Variants in UTRN observed in about 807,000 individuals in gnomAD.
The protein encoded by UTRN is utrophin, also known as dystrophin-related protein 1.
UTRN carries 283 observed loss-of-function variants against 463.9 expected under a neutral mutation model. The observed-to-expected ratio is 0.61, with a 90% CI of 0.55 to 0.67. The LOEUF is 0.67. UTRN is among the 30% of genes least tolerant of loss of function. The pLI is 0.00. For missense variants in UTRN, 3,922 were observed against 4,084.3 expected, an observed-to-expected ratio of 0.96 and a Z score of 1.08; for synonymous variants, 1,442 against 1,431.5, an observed-to-expected ratio of 1.01 and a Z score of -0.17.
chr6:144,694,252 G>A (rs1783741770), intron 52 of UTRN, among the ~76,000 whole-genome samples: 1 of 151,864 alleles, frequency 6.6e-6, no homozygotes, highest in Admixed American at 6.6e-5. Flanking sequence ...TGATTGTGGT[G>A]GATTAGCTTT....
At position 144,590,685 on chromosome 6, in the gene UTRN, T is replaced by G. The variant is rs76365533; in HGVS notation, c.7479+13397T>G. Reference sequence around the variant, plus strand: ...TACAAATATGTTGTTCTGAGGAATTTTAGTCGTTCACACGAGTCTAGCGTG... The same window carrying G: ...TACAAATATGTTGTTCTGAGGAATTGTAGTCGTTCACACGAGTCTAGCGTG... On this transcript the variant is annotated intron_variant, in intron 51 of 74. Transcript: ENST00000367545. Among the ~76,000 whole-genome samples the G allele has an allele frequency of 6.0e-3, 911 of 152,332 alleles. 13 individuals are homozygous for G. Among genetic ancestry groups the G allele is most frequent in the African/African-American group, 0.021 (869 of 41,570 alleles).
At position 144,824,610 on chromosome 6, in the gene UTRN, A is replaced by T. The variant is rs374876617; in HGVS notation, c.9495-2738A>T. Among the ~76,000 whole-genome samples, 257 of 43,528 alleles carry T rather than the reference A, an allele frequency of 5.9e-3. 16 individuals carry two copies. The highest frequency in any genetic ancestry group is 0.03 in the East Asian group (26 of 860). 28.6% of individuals were successfully genotyped at this position (43,528 alleles called of 152,430 possible). ...TATATATATATATATATATATATATATATCTTTTTTTTTTTTTTTTTTTTT... is the reference window on the plus strand; with the variant it reads ...TATATATATATATATATATATATATTTATCTTTTTTTTTTTTTTTTTTTTT... On this transcript the variant is annotated intron_variant, in intron 66 of 74. Transcript: ENST00000367545.
intron 3 of UTRN, among the ~76,000 whole-genome samples, chr6:144,411,514 G>A (rs187522112): frequency 4.3e-4 from 66 of 152,160 alleles, no homozygotes; most frequent in Admixed American, 7.2e-4. Context: ...CCCCACAGTG[G>A]TTTCTTATCA....
At position 144,403,105 on chromosome 6, in the gene UTRN, T is replaced by C; in HGVS notation, c.80-18T>C. On this transcript the variant is annotated intron_variant, in intron 2 of 74. Transcript: ENST00000367545. ...GACTCTCATACTTTTTCCTTCTCTTTCTTTTTCCATTCCACAGATGAACAC... is the reference window on the plus strand; with the variant it reads ...GACTCTCATACTTTTTCCTTCTCTTCCTTTTTCCATTCCACAGATGAACAC... 1 of 1,611,064 alleles carries C rather than the reference T, an allele frequency of 6.2e-7. No individual in the cohort carries two copies. The highest frequency in any genetic ancestry group is 1.3e-5 in the African/African-American group (1 of 74,964).
In UTRN at chr6:144,839,278, C is replaced by G. The variant is rs1190114214; in HGVS notation, c.10171C>G (p.Gln3391Glu). The G allele has an allele frequency of 1.2e-6, 2 of 1,613,378 alleles. No individual in the cohort carries two copies. Among genetic ancestry groups the G allele is most frequent in the South Asian group, 1.1e-5 (1 of 91,052 alleles). ...DPDASGPQFH[Q>E]AAGEDLLAPP... The stretch of plus-strand genomic sequence containing the variant: ...AGATGCCTCCGGCCCACAGTTCCAC[C>G]AGGCAGGTCGGTGTCCCCAGCACAC... The change falls in exon 72 of 75, where the codon CAG becomes GAG. Residue 3391 changes from glutamine to glutamate, a missense_variant. Coordinates refer to ENST00000367545, the MANE Select transcript of UTRN (RefSeq NM_007124.3).
chr6:144,548,616 C>G (rs1798626481), intron 46 of UTRN, 24 bp from the exon 47 acceptor site: 1 of 1,602,538 alleles, frequency 6.2e-7, no homozygotes, highest in Non-Finnish European at 8.5e-7. Flanking sequence ...ATTAATTTCT[C>G]TTTTGCTACA....
At chr6:144,390,276 C>A (rs980325699) in intron 2 of UTRN, among the ~76,000 whole-genome samples, 4 of 152,182 alleles carry the variant, frequency 2.6e-5, no homozygotes, top group African/African-American at 9.6e-5. Flanking sequence ...ATACCTATTG[C>A]ATCCACCTCC....
intron 47 of UTRN, among the ~76,000 whole-genome samples, chr6:144,550,482 G>T (rs923388086): frequency 1.3e-5 from 2 of 151,984 alleles, no homozygotes; most frequent in Non-Finnish European, 2.9e-5. Context: ...GCAGTTTTTC[G>T]TGTCTAAGAG....
intron 4 of UTRN, among the ~76,000 whole-genome samples, chr6:144,423,210 C>T (rs904961172): frequency 3.9e-5 from 6 of 152,218 alleles, no homozygotes; most frequent in African/African-American, 1.2e-4. Flanking sequence ...TACAGGCAAT[C>T]TTTTAAAAAT....
At chr6:144,586,835 G>A (rs181974254) in intron 51 of UTRN, among the ~76,000 whole-genome samples, 8 of 152,158 alleles carry the variant, frequency 5.3e-5, no homozygotes, top group African/African-American at 1.4e-4. Context: ...TGACTCCTTC[G>A]TGACTCAAGC....
chr6:144,513,848 TA>T, intron 35 of UTRN, 60 bp from the exon 36 acceptor site: 1 of 1,567,036 alleles, frequency 6.4e-7, no homozygotes, highest in Non-Finnish European at 8.6e-7. Flanking sequence ...AAATCTCTTT[TA>T]AGATTATCAT....
At chr6:144,348,209 C>G (rs570145282) in intron 2 of UTRN, among the ~76,000 whole-genome samples, 44 of 152,254 alleles carry the variant, frequency 2.9e-4, no homozygotes, top group African/African-American at 1.0e-3. Flanking sequence ...GACGACCACA[C>G]TCATCTATTC....
chr6:144,486,624 C>A (rs904545047), intron 28 of UTRN, among the ~76,000 whole-genome samples: 1 of 152,016 alleles, frequency 6.6e-6, no homozygotes, highest in African/African-American at 2.4e-5. Context: ...TGAGTTCAAG[C>A]AATTCTCATG....
Position 144,552,049 on chromosome 6 carries a change from A to G in UTRN, c.6928+967A>G, listed in dbSNP as rs1345836686. Among the ~76,000 whole-genome samples, 3 of 152,168 alleles carry G rather than the reference A, an allele frequency of 2.0e-5. No homozygotes were observed. The East Asian group carries it at 5.8e-4, about 29-fold the overall frequency. On this transcript the variant is annotated intron_variant, in intron 48 of 74. Transcript: ENST00000367545. ...ACTACTTTAATTGTCTCTCTCTTCCATAGATTGTGAATATCCGTCTTTCTG... is the reference window on the plus strand; with the variant it reads ...ACTACTTTAATTGTCTCTCTCTTCCGTAGATTGTGAATATCCGTCTTTCTG...
intron 2 of UTRN, among the ~76,000 whole-genome samples, chr6:144,372,095 C>G (rs1467655122): frequency 6.6e-6 from 1 of 152,242 alleles, no homozygotes; most frequent in Non-Finnish European, 1.5e-5. Context: ...GCCACTCTTC[C>G]TCCTCAAGTT....
Position 144,479,560 on chromosome 6 carries a change from G to T in UTRN, c.3337-252G>T, listed in dbSNP as rs6908911. On this transcript the variant is annotated intron_variant, in intron 25 of 74. Transcript: ENST00000367545. Reference sequence around the variant, plus strand: ...GGATTACAGTCAACAGTTATGCATTGTCAAAATTATAATAGCTATTTCGAG... The same window carrying T: ...GGATTACAGTCAACAGTTATGCATTTTCAAAATTATAATAGCTATTTCGAG... 0.35 allele frequency among the ~76,000 whole-genome samples: 53,185 copies of T among 152,074 alleles called. 12,145 individuals are homozygous for T. Among genetic ancestry groups the T allele is most frequent in the African/African-American group, 0.66 (27,258 of 41,480 alleles).
At chr6:144,758,536 T>C (rs950089076) in intron 58 of UTRN, among the ~76,000 whole-genome samples, 3 of 152,170 alleles carry the variant, frequency 2.0e-5, no homozygotes, top group African/African-American at 7.2e-5. Context: ...ATCTGCATTA[T>C]TAGCATAGGC....
intron 50 of UTRN, among the ~76,000 whole-genome samples, chr6:144,559,666 C>T (rs1234201057): frequency 6.6e-6 from 1 of 152,064 alleles, no homozygotes; most frequent in Non-Finnish European, 1.5e-5. Flanking sequence ...CTCAACCTTT[C>T]TTTACATTAT....
rs572030564 is a variant in UTRN at position 144,558,109 on chromosome 6, G to A, written c.7289+798G>A. On this transcript the variant is annotated intron_variant, in intron 50 of 74. Coordinates refer to ENST00000367545, the MANE Select transcript of UTRN (RefSeq NM_007124.3). ...ACATCTATTTTGACGTGAATAAAATGGGTATTAGAGCACTTTATATTCCTG... is the reference window on the plus strand; with the variant it reads ...ACATCTATTTTGACGTGAATAAAATAGGTATTAGAGCACTTTATATTCCTG... 9.9e-5 allele frequency among the ~76,000 whole-genome samples: 15 copies of A among 152,238 alleles called. No homozygotes were observed. In the East Asian group the frequency reaches 2.9e-3, roughly 29 times the overall value.
Sources: gnomAD v4.1 joint callset for allele counts (sites outside exome capture counted in the v4.1 genomes callset) on GRCh38, gnomAD v4.1.1 for gene constraint, MANE v1.5 for transcripts, NCBI Gene and HGNC (gene_info 2026-07-23, HGNC 2026-07-21) for gene names.